Variants in SCX observed in about 807,000 individuals in gnomAD.
SCX encodes basic helix-loop-helix transcription factor scleraxis.
A neutral mutation model predicts 12.2 loss-of-function variants in SCX; 7 were observed. The observed-to-expected ratio is 0.57, with a 90% confidence interval of 0.33 to 1.08. The LOEUF (loss-of-function observed/expected upper bound fraction) is 1.08. SCX is among the 50% of genes least tolerant of loss of function. The pLI, the probability that SCX is intolerant of heterozygous loss-of-function variation, is 0.04. For missense variants in SCX, 342 were observed against 337.2 expected (o/e 1.01, Z -0.11); for synonymous variants, 193 against 163.9 (o/e 1.18, Z -1.36).
At position 144,266,515 on chromosome 8, in the gene SCX, C is replaced by A. The variant is rs1393043579; in HGVS notation, c.-99C>A. On this transcript the variant is annotated 5_prime_UTR_variant, in exon 1 of 2. Coordinates refer to ENST00000567180, the MANE Select transcript of SCX (RefSeq NM_001080514.3). ...TGCCACCGCGGGGCGCAGCCGAGAC[C>A]CCGCGCCTCGCCCCGGCCGGCCCGC... The A allele has an allele frequency of 4.9e-5, 48 of 989,146 alleles. No individual in the cohort carries two copies. In the African/African-American group the frequency reaches 8.1e-4, roughly 17 times the overall value. The allele number at this position is 989,146 out of a possible 1,614,324, so 61.3% of individuals were successfully genotyped here.
chr8:144,266,462 C>T lies in SCX; in HGVS notation c.-152C>T, dbSNP rs1845366468. 1 of 972,386 alleles carries T rather than the reference C, an allele frequency of 1.0e-6. No homozygotes were observed. Among genetic ancestry groups the T allele is most frequent in the Non-Finnish European group, 1.2e-6 (1 of 818,406 alleles). 60.2% of individuals were successfully genotyped at this position (972,386 alleles called of 1,614,324 possible). A position where few individuals can be genotyped will look rare whatever the true frequency, so the allele number is the denominator to read the frequency against. On this transcript the variant is annotated 5_prime_UTR_variant, in exon 1 of 2. It adds an upstream start codon to the 5' untranslated region. Coordinates refer to ENST00000567180, the MANE Select transcript of SCX (RefSeq NM_001080514.3). ...CTCGGGGCCCCGCTCCGGCCCGGGA[C>T]GCACATGTGCGCGCGACGCCCGGCA...
chr8:144,266,715 C>T lies in SCX; in HGVS notation c.102C>T (p.Gly34=). Residue 34 remains glycine (G), a synonymous_variant, in exon 1 of 2, where the codon GGC becomes GGT. Coordinates refer to ENST00000567180, the MANE Select transcript of SCX (RefSeq NM_001080514.3). Reference sequence around the variant, plus strand: ...AGGACCGCGGCAGCGACAGCTCGGGCTCCGACGAGAAACCCTGTCGCGTGC... The same window carrying T: ...AGGACCGCGGCAGCGACAGCTCGGGTTCCGACGAGAAACCCTGTCGCGTGC... ...EDEDRGSDSS[G]SDEKPCRVHA... 3 of 1,211,266 alleles carry T rather than the reference C, an allele frequency of 2.5e-6. No individual in the cohort carries two copies. The highest frequency in any genetic ancestry group is 3.1e-6 in the Non-Finnish European group (3 of 955,748). 75.0% of individuals were successfully genotyped at this position (1,211,266 alleles called of 1,614,324 possible). A position where few individuals can be genotyped will look rare whatever the true frequency, so the allele number is the denominator to read the frequency against.
At position 144,267,049 on chromosome 8, in the gene SCX, G is replaced by T; in HGVS notation, c.436G>T (p.Gly146Trp). Reference sequence around the variant, plus strand: ...CGGCGACGGACAGCCCTGCCACTCCGGGCCCGCCTTCTTCCACGCGGCGCG... The same window carrying T: ...CGGCGACGGACAGCCCTGCCACTCCTGGCCCGCCTTCTTCCACGCGGCGCG... ...ACGDGQPCHSGPAFFHAARAG... is the reference protein window; with the variant it reads ...ACGDGQPCHSWPAFFHAARAG... Residue 146 changes from glycine to tryptophan, a missense_variant, in exon 1 of 2, where the codon GGG becomes TGG. By Grantham distance (184) the Gly-to-Trp change is radical. Coordinates refer to ENST00000567180, the MANE Select transcript of SCX (RefSeq NM_001080514.3). 6.7e-7 allele frequency: 1 copy of T among 1,495,518 alleles called. No homozygotes were observed. 92.6% of individuals were successfully genotyped at this position (1,495,518 alleles called of 1,614,324 possible).
At chr8:144,267,837 A>G (rs1334253935) in intron 1 of SCX, among the ~76,000 whole-genome samples, 2 of 152,318 alleles carry the variant, frequency 1.3e-5, no homozygotes, top group Admixed American at 6.5e-5. Flanking sequence ...GGGAGAAAAT[A>G]CGGCACGGCT....
In SCX at chr8:144,266,931, C is replaced by A; in HGVS notation, c.318C>A (p.Pro106=). The change falls in exon 1 of 2, where the codon CCC becomes CCA. Residue 106 remains proline (P), a synonymous_variant. Coordinates refer to ENST00000567180, the MANE Select transcript of SCX (RefSeq NM_001080514.3). ...TALRTLIPTE[P]ADRKLSKIET... ...TGCGCACGCTGATCCCCACCGAGCC[C>A]GCCGACCGCAAGCTCTCCAAGATTG... 1.3e-6 allele frequency: 2 copies of A among 1,558,514 alleles called. No individual in the cohort carries two copies. The highest frequency in any genetic ancestry group is 1.4e-5 in the African/African-American group (1 of 71,646).
chr8:144,267,986 C>A, intron 1 of SCX, 118 bp from the exon 2 acceptor site: 1 of 1,456,296 alleles, frequency 6.9e-7, no homozygotes, highest in Non-Finnish European at 9.4e-7. Flanking sequence ...CTGGGGAGAG[C>A]CGGGAAGGAG....
At position 144,266,532 on chromosome 8, in the gene SCX, CCGGCCCGCGAGGCCCGCGG is replaced by C; in HGVS notation, c.-76_-58del. On this transcript the variant is annotated 5_prime_UTR_variant, in exon 1 of 2. An upstream open reading frame in the 5' UTR gains an earlier in-frame stop. Coordinates refer to ENST00000567180, the MANE Select transcript of SCX (RefSeq NM_001080514.3). ...GCCGAGACCCCGCGCCTCGCCCCGG[CCGGCCCGCGAGGCCCGCGG>C]CGGCCGCAGGAGGCGGCATGAGCAG... 1 of 992,500 alleles carries C rather than the reference CCGGCCCGCGAGGCCCGCGG, an allele frequency of 1.0e-6. No individual in the cohort carries two copies. The allele number at this position is 992,500 out of a possible 1,614,324, so 61.5% of individuals were successfully genotyped here. A position where few individuals can be genotyped will look rare whatever the true frequency, so the allele number is the denominator to read the frequency against.
In SCX at chr8:144,266,581, C is replaced by G; in HGVS notation, c.-33C>G. 9.5e-7 allele frequency: 1 copy of G among 1,055,472 alleles called. No individual in the cohort carries two copies. Among genetic ancestry groups the G allele is most frequent in the Non-Finnish European group, 1.1e-6 (1 of 874,442 alleles). 65.4% of individuals were successfully genotyped at this position (1,055,472 alleles called of 1,614,324 possible). A position where few individuals can be genotyped will look rare whatever the true frequency, so the allele number is the denominator to read the frequency against. On this transcript the variant is annotated 5_prime_UTR_variant, in exon 1 of 2. Coordinates refer to ENST00000567180, the MANE Select transcript of SCX (RefSeq NM_001080514.3). ...CGCAGGAGGCGGCATGAGCAGCGCG[C>G]GACAGAGCTGACGCCGCGCCCCCGC...
chr8:144,266,660 A>G lies in SCX; in HGVS notation c.47A>G (p.Tyr16Cys). ...CCGGCGCCGCCGGGCCGCTACCTGTACCCCGAGGTGAGCCCGCTGTCGGAG... is the reference window on the plus strand; with the variant it reads ...CCGGCGCCGCCGGGCCGCTACCTGTGCCCCGAGGTGAGCCCGCTGTCGGAG... The part of the protein sequence containing the change: ...LRPAPPGRYL[Y>C]PEVSPLSEDE... The change falls in exon 1 of 2, where the codon TAC (tyrosine) becomes TGC (cysteine). Residue 16 changes from tyrosine to cysteine, a missense_variant. Transcript: ENST00000567180. The G allele has an allele frequency of 8.0e-7, 1 of 1,255,198 alleles. No individual in the cohort carries two copies. Among genetic ancestry groups the G allele is most frequent in the East Asian group, 5.4e-5 (1 of 18,516 alleles). 77.8% of individuals were successfully genotyped at this position (1,255,198 alleles called of 1,614,324 possible).
Position 144,268,242 on chromosome 8 carries a change from C to G in SCX, c.*100C>G, listed in dbSNP as rs1237749951. Reference sequence around the variant, plus strand: ...CACCTTGGACCTGAGCTGGGCAAGGCCCACCGCAAGCATGCCCCCAGGCCA... The same window carrying G: ...CACCTTGGACCTGAGCTGGGCAAGGGCCACCGCAAGCATGCCCCCAGGCCA... On this transcript the variant is annotated 3_prime_UTR_variant, in exon 2 of 2. Coordinates refer to ENST00000567180, the MANE Select transcript of SCX (RefSeq NM_001080514.3). 6.7e-7 allele frequency: 1 copy of G among 1,503,160 alleles called. No individual in the cohort carries two copies. The highest frequency in any genetic ancestry group is 9.0e-7 in the Non-Finnish European group (1 of 1,109,594). The allele number at this position is 1,503,160 out of a possible 1,614,324, so 93.1% of individuals were successfully genotyped here. A position where few individuals can be genotyped will look rare whatever the true frequency, so the allele number is the denominator to read the frequency against.
Position 144,268,177 on chromosome 8 carries a change from C to T in SCX, c.*35C>T. The T allele has an allele frequency of 6.5e-7, 1 of 1,549,018 alleles. No homozygotes were observed. The highest frequency in any genetic ancestry group is 2.4e-5 in the East Asian group (1 of 40,974). On this transcript the variant is annotated 3_prime_UTR_variant, in exon 2 of 2. Transcript: ENST00000567180. ...GGCAGCAGCCAGGAGGCAGACGCTG[C>T]TGGGGGAGGTGGACGCCCGGGGTGA...
Position 144,267,069 on chromosome 8 carries a change from G to GGC in SCX, c.463_464dup (p.Gly156ProfsTer35), listed in dbSNP as rs1845388291. 7.1e-7 allele frequency: 1 copy of GGC among 1,408,894 alleles called. No individual in the cohort carries two copies. The highest frequency in any genetic ancestry group is 9.2e-7 in the Non-Finnish European group (1 of 1,086,282). The allele number at this position is 1,408,894 out of a possible 1,614,324, so 87.3% of individuals were successfully genotyped here. On this transcript the variant is annotated frameshift_variant, in exon 1 of 2. Coordinates refer to ENST00000567180, the MANE Select transcript of SCX (RefSeq NM_001080514.3). LOFTEE classifies it high-confidence loss of function. Reference sequence around the variant, plus strand: ...ACTCCGGGCCCGCCTTCTTCCACGCGGCGCGCGCCGGCAGCCCCCCGCCGC... The same window carrying GGC: ...ACTCCGGGCCCGCCTTCTTCCACGCGGCGCGCGCGCCGGCAGCCCCCCGCCGC...
Position 144,268,160 on chromosome 8 carries a change from C to T in SCX, c.*18C>T. On this transcript the variant is annotated 3_prime_UTR_variant, in exon 2 of 2. Transcript: ENST00000567180. ...GCAGTTAGGAGGTGGCCGGCAGCAG[C>T]CAGGAGGCAGACGCTGCTGGGGGAG... The T allele has an allele frequency of 6.4e-7, 1 of 1,550,472 alleles. No individual in the cohort carries two copies. The highest frequency in any genetic ancestry group is 1.2e-5 in the South Asian group (1 of 84,036).
In SCX at chr8:144,267,082, AGCCCCCCGCCGCC is replaced by A; in HGVS notation, c.476_488del (p.Pro159ArgfsTer27). The A allele has an allele frequency of 7.2e-7, 1 of 1,382,984 alleles. No homozygotes were observed. The highest frequency in any genetic ancestry group is 9.3e-7 in the Non-Finnish European group (1 of 1,075,742). The allele number at this position is 1,382,984 out of a possible 1,614,324, so 85.7% of individuals were successfully genotyped here. On this transcript the variant is annotated frameshift_variant, in exon 1 of 2. Coordinates refer to ENST00000567180, the MANE Select transcript of SCX (RefSeq NM_001080514.3). LOFTEE classifies it high-confidence loss of function. ...CTTCTTCCACGCGGCGCGCGCCGGC[AGCCCCCCGCCGCC>A]GCCCCCGCCGCCTCCCGCCCGCGAC... is the stretch of plus-strand genomic sequence containing the variant.
Position 144,268,471 on chromosome 8 carries a change from T to TATC in SCX, c.*330_*332dup. 2.1e-6 allele frequency: 1 copy of TATC among 479,822 alleles called. No individual in the cohort carries two copies. Among genetic ancestry groups the TATC allele is most frequent in the Non-Finnish European group, 3.7e-6 (1 of 269,946 alleles). The allele number at this position is 479,822 out of a possible 1,614,324, so 29.7% of individuals were successfully genotyped here. A position where few individuals can be genotyped will look rare whatever the true frequency, so the allele number is the denominator to read the frequency against. On this transcript the variant is annotated 3_prime_UTR_variant, in exon 2 of 2. Transcript: ENST00000567180. ...TTTTGTATAATTAAAAACAAAACAG[T>TATC]ATCTTCCAAATATGGAGGCCAACTG...
chr8:144,268,066 C>T, intron 1 of SCX, 38 bp from the exon 2 acceptor site: 3 of 1,549,446 alleles, frequency 1.9e-6, no homozygotes, highest in Non-Finnish European at 2.6e-6. Flanking sequence ...TGGCGCTGGG[C>T]TCTGCCGGGG....
chr8:144,267,807 C>G (rs999767328), intron 1 of SCX, among the ~76,000 whole-genome samples: 12 of 152,208 alleles, frequency 7.9e-5, no homozygotes, highest in African/African-American at 2.9e-4. Context: ...CTTGGTGGCA[C>G]CGGAAAAGCA....
chr8:144,266,894 C>T lies in SCX; in HGVS notation c.281C>T (p.Ala94Val). 2 of 1,522,600 alleles carry T rather than the reference C, an allele frequency of 1.3e-6. No individual in the cohort carries two copies. The highest frequency in any genetic ancestry group is 1.4e-5 in the African/African-American group (1 of 69,768). 94.3% of individuals were successfully genotyped at this position (1,522,600 alleles called of 1,614,324 possible). A position where few individuals can be genotyped will look rare whatever the true frequency, so the allele number is the denominator to read the frequency against. ...ERDRTNSVNT[A>V]FTALRTLIPT... ...GACCGCACCAACAGCGTGAACACGGCCTTCACGGCGCTGCGCACGCTGATC... is the reference window on the plus strand; with the variant it reads ...GACCGCACCAACAGCGTGAACACGGTCTTCACGGCGCTGCGCACGCTGATC... Residue 94 changes from alanine (A) to valine (V), a missense_variant, in exon 1 of 2, where the codon GCC becomes GTC. Around this residue, in one of 3 missense-constraint regions of SCX, gnomAD observed 42 missense variants for 73.7 expected, o/e 0.57. Transcript: ENST00000567180.
chr8:144,267,993 G>A (rs1018470114), intron 1 of SCX, 111 bp from the exon 2 acceptor site: 1 of 1,486,088 alleles, frequency 6.7e-7, no homozygotes, highest in Non-Finnish European at 9.2e-7. Flanking sequence ...GAGCCGGGAA[G>A]GAGGTGCCTT....
Sources: allele counts gnomAD v4.1 joint callset (sites outside exome capture counted in the v4.1 genomes callset), GRCh38; gene constraint gnomAD v4.1.1; regional missense constraint gnomAD v4.1.1; transcripts MANE v1.5; gene names NCBI Gene and HGNC (gene_info 2026-07-23, HGNC 2026-07-21).